The following ARID2 variants were observed in gnomAD, a reference collection of about 807,000 sequenced individuals.
ARID2 encodes the protein AT-rich interaction domain 2, also known as AT-rich interactive domain-containing protein 2.
A neutral mutation model predicts 184.6 loss-of-function variants in ARID2; 32 were observed. The ratio of observed to expected loss-of-function variants is 0.17; its 90% CI spans 0.13 to 0.23. The LOEUF (loss-of-function observed/expected upper bound fraction) is 0.23. Ranked by LOEUF, ARID2 falls within the 10% of genes least tolerant of loss-of-function variation. The pLI, the probability that ARID2 is intolerant of heterozygous loss-of-function variation, is 1.00. For missense variants in ARID2, 1,696 were observed against 2,197.6 expected, an observed-to-expected ratio of 0.77 and a Z score of 4.56; for synonymous variants, 836 against 772.6, an observed-to-expected ratio of 1.08 and a Z score of -1.36.
chr12:45,794,422 A>C (rs186492120), intron 3 of ARID2, among the ~76,000 whole-genome samples: 1 of 152,226 alleles, frequency 6.6e-6, no homozygotes, highest in Admixed American at 6.5e-5. Context: ...CCTTTGCTCT[A>C]TCTCTTTATT....
chr12:45,781,499 T>C (rs1004006741), intron 3 of ARID2, among the ~76,000 whole-genome samples: 3 of 149,488 alleles, frequency 2.0e-5, no homozygotes, highest in South Asian at 2.1e-4. Flanking sequence ...CATTACTTGC[T>C]AGCCTTCCGG....
intron 20 of ARID2, among the ~76,000 whole-genome samples, chr12:45,900,969 G>A (rs1442381314): frequency 6.6e-6 from 1 of 151,730 alleles, no homozygotes; most frequent in African/African-American, 2.4e-5. Context: ...TCTTGATGAT[G>A]ATGTGTCTTC....
At chr12:45,807,633 G>A (rs1942626623) in intron 3 of ARID2, among the ~76,000 whole-genome samples, 1 of 152,068 alleles carries the variant, frequency 6.6e-6, no homozygotes, top group African/African-American at 2.4e-5. Context: ...ACAAGAATTT[G>A]ATTTCTTCTA....
At position 45,770,529 on chromosome 12, in the gene ARID2, C is replaced by T. The variant is rs1171976752; in HGVS notation, c.284+39215C>T. On this transcript the variant is annotated intron_variant, in intron 3 of 20. Coordinates refer to ENST00000334344, the MANE Select transcript of ARID2 (RefSeq NM_152641.4). ...ATTCAGTGGTTCCCAAGCTCTTGTC[C>T]CCCATCCGAGAAGAATGGGGATACA... 2.6e-5 allele frequency among the ~76,000 whole-genome samples: 4 copies of T among 152,142 alleles called. No homozygotes were observed. In the South Asian group the frequency reaches 8.3e-4, roughly 32 times the overall value.
rs183009887 is a variant in ARID2 at position 45,784,471 on chromosome 12, C to T, written c.285-26947C>T. On this transcript the variant is annotated intron_variant, in intron 3 of 20. Transcript: ENST00000334344. ...CTATATAAGAAAAACTTAAATGAAGCTGGGGGCGGTGGCCTGGGCAATGTG... is the reference window on the plus strand; with the variant it reads ...CTATATAAGAAAAACTTAAATGAAGTTGGGGGCGGTGGCCTGGGCAATGTG... 1.3e-3 allele frequency among the ~76,000 whole-genome samples: 193 copies of T among 152,084 alleles called. 1 individual carries two copies. The highest frequency in any genetic ancestry group is 4.5e-3 in the African/African-American group (187 of 41,484).
At chr12:45,879,173 G>A (rs984987907) in intron 16 of ARID2, among the ~76,000 whole-genome samples, 2 of 152,100 alleles carry the variant, frequency 1.3e-5, no homozygotes, top group African/African-American at 2.4e-5. Flanking sequence ...TAAGGGCTGC[G>A]ACTTTGGTAA....
intron 3 of ARID2, among the ~76,000 whole-genome samples, chr12:45,767,571 G>C (rs1442202366): frequency 6.6e-6 from 1 of 152,162 alleles, no homozygotes; most frequent in Non-Finnish European, 1.5e-5. Flanking sequence ...GCAGGGGCCT[G>C]TAATCCCAGC....
chr12:45,811,797 A>G (rs1470958428), intron 4 of ARID2, among the ~76,000 whole-genome samples: 1 of 152,172 alleles, frequency 6.6e-6, no homozygotes, highest in Non-Finnish European at 1.5e-5. Flanking sequence ...ATTTTTCCTT[A>G]TTGCTCTAAC....
At position 45,891,057 on chromosome 12, in the gene ARID2, C is replaced by T. The variant is rs117812461; in HGVS notation, c.4923-723C>T. On this transcript the variant is annotated intron_variant, in intron 16 of 20. Coordinates refer to ENST00000334344, the MANE Select transcript of ARID2 (RefSeq NM_152641.4). ...GCATGTGCTTGTAGTCCCAGGTACT[C>T]GGGAGGCTGAAGCAGAAGAAGCACT... Among the ~76,000 whole-genome samples, 1,080 of 151,654 alleles carry T rather than the reference C, an allele frequency of 7.1e-3. 5 individuals carry two copies. Among genetic ancestry groups the T allele is most frequent in the Non-Finnish European group, 9.5e-3 (647 of 67,954 alleles).
At chr12:45,846,629 G>A (rs1289653651) in intron 11 of ARID2, among the ~76,000 whole-genome samples, 7 of 152,064 alleles carry the variant, frequency 4.6e-5, no homozygotes, top group Admixed American at 4.6e-4. Context: ...TTTAATGATT[G>A]TGAGGTTAAA....
Position 45,851,729 on chromosome 12 carries a change from C to G in ARID2, c.3606C>G (p.Thr1202=), listed in dbSNP as rs750893616. Residue 1202 remains threonine (T), a synonymous_variant, in exon 15 of 21, where the codon ACC becomes ACG. Transcript: ENST00000334344. Reference sequence around the variant, plus strand: ...AGCTCATTGCTCCAGCAGGAATTACCATGAGCGGAACGCAGACAGGAGTTG... The same window carrying G: ...AGCTCATTGCTCCAGCAGGAATTACGATGAGCGGAACGCAGACAGGAGTTG... ...ATQLIAPAGI[T]MSGTQTGVGL... is the part of the protein sequence containing the mutation. 6.2e-7 allele frequency: 1 copy of G among 1,614,102 alleles called. No individual in the cohort carries two copies. Among genetic ancestry groups the G allele is most frequent in the East Asian group, 2.2e-5 (1 of 44,872 alleles).
chr12:45,881,678 T>G (rs1362009308), intron 16 of ARID2: 7 of 173,190 alleles, frequency 4.0e-5, no homozygotes, highest in Non-Finnish European at 8.8e-5. Flanking sequence ...ACCACTGTGT[T>G]CCCTGGGCTT....
chr12:45,766,502 G>T (rs1330843132), intron 3 of ARID2, among the ~76,000 whole-genome samples: 1 of 148,908 alleles, frequency 6.7e-6, no homozygotes, highest in Non-Finnish European at 1.5e-5. Context: ...ATGGAGAGTA[G>T]ATTTTTTATT....
chr12:45,880,972 A>G (rs1053550826), intron 16 of ARID2: 1 of 201,254 alleles, frequency 5.0e-6, no homozygotes, highest in Non-Finnish European at 1.1e-5. Context: ...ATTCCTGCCA[A>G]TATAAAAGAT....
intron 18 of ARID2, among the ~76,000 whole-genome samples, chr12:45,892,918 GA>G (rs1944320824): frequency 6.6e-6 from 1 of 152,128 alleles, no homozygotes; most frequent in Non-Finnish European, 1.5e-5. Context: ...GTAATAGTTG[GA>G]AATGTGGTAT....
intron 4 of ARID2, among the ~76,000 whole-genome samples, chr12:45,812,227 G>A (rs1390471140): frequency 6.6e-6 from 1 of 150,434 alleles, no homozygotes; most frequent in Non-Finnish European, 1.5e-5. Context: ...AGAGATACTT[G>A]TTTTTCAAGC....
rs906002425 is a variant in ARID2 at position 45,907,546 on chromosome 12, C to T, written c.*2468C>T. The T allele has an allele frequency of 1.7e-5, 4 of 233,078 alleles. No homozygotes were observed. The highest frequency in any genetic ancestry group is 3.4e-5 in the Non-Finnish European group (4 of 117,798). The allele number at this position is 233,078 out of a possible 1,614,324, so 14.4% of individuals were successfully genotyped here. A position where few individuals can be genotyped will look rare whatever the true frequency, so the allele number is the denominator to read the frequency against. On this transcript the variant is annotated 3_prime_UTR_variant, in exon 21 of 21. Coordinates refer to ENST00000334344, the MANE Select transcript of ARID2 (RefSeq NM_152641.4). The stretch of plus-strand genomic sequence containing the variant: ...GACCTAATGAAACTGATCATGGCTT[C>T]CCACTTAGGTTTTTCTTCTTATAGC...
In ARID2 at chr12:45,893,277, G is replaced by A. The variant is rs1258653500; in HGVS notation, c.5148-143G>A. 4.6e-5 allele frequency: 45 copies of A among 982,638 alleles called. No homozygotes were observed. The East Asian group carries it at 1.2e-3, about 27-fold the overall frequency. The allele number at this position is 982,638 out of a possible 1,614,324, so 60.9% of individuals were successfully genotyped here. ...GCTGTCACAGAGCATAAACGTTAAT[G>A]CTAGACCATTGGACCTTTAGTCACC... On this transcript the variant is annotated intron_variant, in intron 18 of 20. Transcript: ENST00000334344.
intron 16 of ARID2, among the ~76,000 whole-genome samples, chr12:45,875,582 A>G (rs1174010726): frequency 6.6e-6 from 1 of 152,234 alleles, no homozygotes; most frequent in African/African-American, 2.4e-5. Flanking sequence ...ATCTTCTTCC[A>G]GTAAAAGGCT....
Sources: allele counts gnomAD v4.1 joint callset (sites outside exome capture counted in the v4.1 genomes callset), GRCh38; gene constraint gnomAD v4.1.1; transcripts MANE v1.5; gene names NCBI Gene and HGNC (gene_info 2026-07-23, HGNC 2026-07-21).